The following TMEM132D variants were observed in gnomAD, a reference collection of about 807,000 sequenced individuals.
TMEM132D encodes transmembrane protein 132D.
A neutral mutation model predicts 62.3 loss-of-function variants in TMEM132D; 21 were observed. The observed-to-expected ratio is 0.34, with a 90% confidence interval of 0.24 to 0.49. The LOEUF (loss-of-function observed/expected upper bound fraction) is 0.49, where lower values mean the gene tolerates loss of function less well. TMEM132D is among the 20% of genes least tolerant of loss of function. The probability of loss-of-function intolerance (pLI) is 0.99; values close to 1 mark genes in which losing one functional copy is unlikely to be tolerated. For missense variants in TMEM132D, 1,346 were observed against 1,402.8 expected (o/e 0.96, Z 0.65); for synonymous variants, 621 against 575.6 (o/e 1.08, Z -1.13).
At chr12:129,764,859 T>G (rs1870501060) in intron 1 of TMEM132D, among the ~76,000 whole-genome samples, 1 of 152,146 alleles carries the variant, frequency 6.6e-6, no homozygotes, top group South Asian at 2.1e-4. Context: ...GAGGATCGCT[T>G]GAGCCTGGGA....
chr12:129,656,659 G>C (rs1159842398), intron 2 of TMEM132D, among the ~76,000 whole-genome samples: 1 of 152,206 alleles, frequency 6.6e-6, no homozygotes, highest in Non-Finnish European at 1.5e-5. Flanking sequence ...CTCAGCTCTA[G>C]ATCACCACTG....
chr12:129,699,765 C>G (rs1428582133), intron 2 of TMEM132D, 45 bp downstream of exon 2: 14 of 1,592,654 alleles, frequency 8.8e-6, no homozygotes, highest in Non-Finnish European at 1.2e-5. Flanking sequence ...GAAAACACCA[C>G]CTGATCGACG....
intron 3 of TMEM132D, among the ~76,000 whole-genome samples, chr12:129,462,324 G>A (rs555013713): frequency 8.5e-4 from 130 of 152,292 alleles, no homozygotes; most frequent in African/African-American, 2.9e-3. Flanking sequence ...CAGATAGACT[G>A]AGTCAGAGAT....
chr12:129,194,045 T>C (rs1006505630), intron 5 of TMEM132D, among the ~76,000 whole-genome samples: 32 of 152,350 alleles, frequency 2.1e-4, no homozygotes, highest in African/African-American at 7.5e-4. Flanking sequence ...GAAGCAATCA[T>C]TTGCAATCCT....
At chr12:129,809,790 AG>A (rs1872113954) in intron 1 of TMEM132D, among the ~76,000 whole-genome samples, 1 of 152,176 alleles carries the variant, frequency 6.6e-6, no homozygotes, top group African/African-American at 2.4e-5. Flanking sequence ...CATGATGAAA[AG>A]TAGCAATGAG....
At chr12:129,751,756 T>C (rs1289643784) in intron 1 of TMEM132D, among the ~76,000 whole-genome samples, 2 of 152,192 alleles carry the variant, frequency 1.3e-5, no homozygotes, top group African/African-American at 4.8e-5. Flanking sequence ...CAAACTAGGA[T>C]TTGCAACTTC....
rs77894414 is a variant in TMEM132D at position 129,768,511 on chromosome 12, T to G, written c.80-67813A>C. ...CTTAAAAAATTAAAAGTAGAATTAA[T>G]ATATGATTTAGGAGTTCTACTTCTA... On this transcript the variant is annotated intron_variant, in intron 1 of 8. Coordinates refer to ENST00000422113, the MANE Select transcript of TMEM132D (RefSeq NM_133448.3). Among the ~76,000 whole-genome samples, 2,227 of 151,996 alleles carry G rather than the reference T, an allele frequency of 0.015. 100 individuals are homozygous for G. The East Asian group carries it at 0.15, about 10-fold the overall frequency.
intron 5 of TMEM132D, among the ~76,000 whole-genome samples, chr12:129,146,113 T>C (rs1425816813): frequency 6.6e-6 from 1 of 151,908 alleles, no homozygotes; most frequent in Non-Finnish European, 1.5e-5. Flanking sequence ...ACTTTTAAGA[T>C]CAACTCTGTC....
chr12:129,707,160 T>C (rs1014218137), intron 1 of TMEM132D, among the ~76,000 whole-genome samples: 20 of 147,936 alleles, frequency 1.4e-4, no homozygotes, highest in Non-Finnish European at 1.8e-4. Flanking sequence ...AAAATATATA[T>C]ATATATAATA....
intron 2 of TMEM132D, among the ~76,000 whole-genome samples, chr12:129,537,550 C>T (rs1876431876): frequency 6.6e-6 from 1 of 152,210 alleles, no homozygotes; most frequent in Non-Finnish European, 1.5e-5. Flanking sequence ...CATACCTTCA[C>T]TTGTACAAGG....
intron 1 of TMEM132D, among the ~76,000 whole-genome samples, chr12:129,875,430 C>T (rs1177054424): frequency 6.6e-6 from 1 of 152,216 alleles, no homozygotes; most frequent in Admixed American, 6.5e-5. Context: ...ATGGTGCCAG[C>T]GTGGTTAGTT....
chr12:129,351,810 T>C (rs953583913), intron 3 of TMEM132D, among the ~76,000 whole-genome samples: 2 of 152,236 alleles, frequency 1.3e-5, no homozygotes, highest in Non-Finnish European at 2.9e-5. Flanking sequence ...TGGAAACTTG[T>C]TAATCTCCCA....
intron 5 of TMEM132D, among the ~76,000 whole-genome samples, chr12:129,092,369 C>T (rs1380045917): frequency 1.3e-5 from 2 of 148,542 alleles, no homozygotes; most frequent in African/African-American, 5.0e-5. Flanking sequence ...TTTTTCCCCT[C>T]AAACTTTGCA....
At chr12:129,814,414 GC>G (rs1278741502) in intron 1 of TMEM132D, among the ~76,000 whole-genome samples, 1 of 151,956 alleles carries the variant, frequency 6.6e-6, no homozygotes, top group Non-Finnish European at 1.5e-5. Context: ...TTTGAGACCA[GC>G]CTGACCAACA....
intron 1 of TMEM132D, among the ~76,000 whole-genome samples, chr12:129,786,056 C>CAA (rs961844120): frequency 6.6e-6 from 1 of 152,148 alleles, no homozygotes; most frequent in African/African-American, 2.4e-5. Context: ...GACTGTGTGT[C>CAA]AAATGCATGG....
At chr12:129,366,697 G>A (rs1399133279) in intron 3 of TMEM132D, among the ~76,000 whole-genome samples, 3 of 152,230 alleles carry the variant, frequency 2.0e-5, no homozygotes, top group Non-Finnish European at 2.9e-5. Context: ...ATTAACTGAG[G>A]TCTTCTGGTG....
chr12:129,306,048 G>A (rs1018625646), intron 4 of TMEM132D, among the ~76,000 whole-genome samples: 17 of 152,130 alleles, frequency 1.1e-4, no homozygotes, highest in Non-Finnish European at 8.8e-5. Flanking sequence ...CAGGGAACGG[G>A]TTTAACTCAG....
chr12:129,109,032 T>G (rs1054293948), intron 5 of TMEM132D, among the ~76,000 whole-genome samples: 5 of 152,190 alleles, frequency 3.3e-5, no homozygotes, highest in East Asian at 1.9e-4. Flanking sequence ...TTGTTTTATG[T>G]AAAAAACACA....
At chr12:129,597,006 C>T (rs571844683) in intron 2 of TMEM132D, among the ~76,000 whole-genome samples, 68 of 152,292 alleles carry the variant, frequency 4.5e-4, no homozygotes, top group Non-Finnish European at 2.9e-4. Context: ...ATGGTTGAAA[C>T]GCAGGTGAGA....
Sources: allele counts gnomAD v4.1 joint callset (sites outside exome capture counted in the v4.1 genomes callset), GRCh38; gene constraint gnomAD v4.1.1; transcripts MANE v1.5; gene names NCBI Gene and HGNC (gene_info 2026-07-23, HGNC 2026-07-21).